COL6A3: variants seen among roughly 807,000 people sequenced by gnomAD.
COL6A3 encodes the protein collagen alpha-3(VI) chain.
A neutral mutation model predicts 274.1 loss-of-function variants in COL6A3; 137 were observed. The observed-to-expected ratio is 0.50, with a 90% CI of 0.44 to 0.58. The LOEUF (loss-of-function observed/expected upper bound fraction) is 0.58. COL6A3 is among the 20% of genes least tolerant of loss of function. The pLI is 0.00. For synonymous variants in COL6A3, 1,650 were observed against 1,650.6 expected (o/e 1.00, Z 0.01); for missense variants, 3,950 against 4,124.9 (o/e 0.96, Z 1.16).
chr2:237,383,608 T>C (rs559115896), intron 4 of COL6A3, among the ~76,000 whole-genome samples: 2 of 152,272 alleles, frequency 1.3e-5, no homozygotes, highest in African/African-American at 4.8e-5. Flanking sequence ...CTACCACTCA[T>C]GTATTTACTA....
chr2:237,402,935 G>A (rs937382908), intron 1 of COL6A3, among the ~76,000 whole-genome samples: 4 of 152,156 alleles, frequency 2.6e-5, no homozygotes, highest in Non-Finnish European at 5.9e-5. Flanking sequence ...ATGAAATCAG[G>A]GATGAGGATG....
At chr2:237,333,639 G>T (rs1700380852) in intron 41 of COL6A3, 91 bp from the exon 42 acceptor site, 2 of 1,084,092 alleles carry the variant, frequency 1.8e-6, no homozygotes, top group Admixed American at 1.9e-5. Flanking sequence ...TGCCTGCTGT[G>T]ATTAATGTCT....
At chr2:237,388,948 A>G (rs866339936) in intron 3 of COL6A3, among the ~76,000 whole-genome samples, 11 of 152,324 alleles carry the variant, frequency 7.2e-5, no homozygotes, top group African/African-American at 1.9e-4. Context: ...CATTGCCTCT[A>G]TATTCAGTCA....
chr2:237,384,478 G>A (rs1283128064), intron 4 of COL6A3, among the ~76,000 whole-genome samples: 1 of 151,902 alleles, frequency 6.6e-6, no homozygotes, highest in Admixed American at 6.6e-5. Flanking sequence ...AGACTCTCCT[G>A]AAAGCCTCCA....
At position 237,334,615 on chromosome 2, in the gene COL6A3, C is replaced by T; in HGVS notation, c.9229+11G>A. On this transcript the variant is annotated intron_variant, in intron 41 of 43. Coordinates refer to ENST00000295550, the MANE Select transcript of COL6A3 (RefSeq NM_004369.4). ...AAATCAGGTACCGACTTGTACTGAT[C>T]ATGTACTTACTTGTACTGAAACTTC... is the stretch of plus-strand genomic sequence containing the variant. 2 of 1,612,950 alleles carry T rather than the reference C, an allele frequency of 1.2e-6. No homozygotes were observed. Among genetic ancestry groups the T allele is most frequent in the Non-Finnish European group, 1.7e-6 (2 of 1,179,898 alleles).
chr2:237,358,628 T>C (rs547139303), intron 20 of COL6A3, 45 bp from the exon 21 acceptor site: 2 of 1,485,176 alleles, frequency 1.3e-6, no homozygotes, highest in Admixed American at 1.7e-5. Flanking sequence ...GATGTTTCCA[T>C]TTTTATCTCA....
chr2:237,375,644 G>A (rs1367237879), intron 7 of COL6A3, among the ~76,000 whole-genome samples: 2 of 152,206 alleles, frequency 1.3e-5, no homozygotes, highest in African/African-American at 4.8e-5. Flanking sequence ...CCGGGTTCAA[G>A]TGATTCTTCT....
In COL6A3 at chr2:237,374,405, T is replaced by C; in HGVS notation, c.3679+7A>G. On this transcript the variant is annotated splice_region_variant and intron_variant, in intron 8 of 43. Transcript: ENST00000295550. The surrounding 1 kb of genome is among the most constrained non-coding windows in gnomAD (Gnocchi z 4.8). ...CTGAGTGAGGATGCAAAGAGTTCCC[T>C]GCGTACCTGGGCTCGGTAGAGGCTG... The C allele has an allele frequency of 6.2e-7, 1 of 1,611,596 alleles. No individual in the cohort carries two copies. Among genetic ancestry groups the C allele is most frequent in the Non-Finnish European group, 8.5e-7 (1 of 1,180,022 alleles).
At chr2:237,365,252 G>A (rs1433857108) in intron 12 of COL6A3, among the ~76,000 whole-genome samples, 1 of 151,354 alleles carries the variant, frequency 6.6e-6, no homozygotes, top group Admixed American at 6.6e-5. Context: ...AAGCCTCCAA[G>A]ACTGTGAGAA....
intron 6 of COL6A3, 40 bp from the exon 7 acceptor site, chr2:237,377,384 G>T (rs1482163602): frequency 6.3e-7 from 1 of 1,589,380 alleles, no homozygotes; most frequent in Non-Finnish European, 8.5e-7. Context: ...AGGGACGAGA[G>T]CATAACAGGA....
At position 237,379,218 on chromosome 2, in the gene COL6A3, C is replaced by G; in HGVS notation, c.1915G>C (p.Asp639His). The G allele has an allele frequency of 6.2e-7, 1 of 1,614,158 alleles. No homozygotes were observed. Among genetic ancestry groups the G allele is most frequent in the Non-Finnish European group, 8.5e-7 (1 of 1,180,008 alleles). The change falls in exon 6 of 44, where the codon GAT becomes CAT. Residue 639 changes from aspartate (D) to histidine (H), a missense_variant. Asp to His is a moderately conservative substitution (Grantham distance 81, BLOSUM62 -1). Coordinates refer to ENST00000295550, the MANE Select transcript of COL6A3 (RefSeq NM_004369.4). ...GATCCATCCAAAAGAAAGATGATATCCCTTTTGTTTGAGTGAACTGCAGTG... is the reference window on the plus strand; with the variant it reads ...GATCCATCCAAAAGAAAGATGATATGCCTTTTGTTTGAGTGAACTGCAGTG... ...GTPEVHSNKR[D>H]IIFLLDGSAN... is the part of the protein sequence containing the mutation.
chr2:237,397,732 T>C (rs1163884286), intron 1 of COL6A3, among the ~76,000 whole-genome samples: 1 of 152,238 alleles, frequency 6.6e-6, no homozygotes, highest in Non-Finnish European at 1.5e-5. Context: ...TTCTCCACAA[T>C]CTGAAAATAT....
chr2:237,365,646 TA>T (rs901125555), intron 12 of COL6A3, 51 bp downstream of exon 12: 44 of 1,542,138 alleles, frequency 2.9e-5, no homozygotes, highest in Admixed American at 6.7e-5. Context: ...TCCTTTCCAG[TA>T]AAAATTTGGA....
intron 3 of COL6A3, among the ~76,000 whole-genome samples, chr2:237,389,794 A>C (rs1011848753): frequency 6.6e-6 from 1 of 152,254 alleles, no homozygotes; most frequent in Non-Finnish European, 1.5e-5. Context: ...CCTTCTTATA[A>C]GATACAATGA....
At chr2:237,409,300 TTTA>T (rs1032658675) in intron 1 of COL6A3, among the ~76,000 whole-genome samples, 5 of 151,820 alleles carry the variant, frequency 3.3e-5, no homozygotes, top group Admixed American at 1.3e-4. Flanking sequence ...TTTTTATTAT[TTTA>T]TTATTATTAT....
chr2:237,340,364 G>GGTTGTCTTGGT lies in COL6A3; in HGVS notation c.8464+87_8464+88insACCAAGACAAC, dbSNP rs1009967912. ...ATGAAACAGTTCCTGTCAACACATC[G>GGTTGTCTTGGT]GTTGTCTTTTCCATGACTGTTCCTA... On this transcript the variant is annotated intron_variant, in intron 38 of 43. Coordinates refer to ENST00000295550, the MANE Select transcript of COL6A3 (RefSeq NM_004369.4). 86 of 1,223,164 alleles carry GGTTGTCTTGGT rather than the reference G, an allele frequency of 7.0e-5. No individual in the cohort carries two copies. In the Admixed American group the frequency reaches 1.5e-3, roughly 22 times the overall value. 75.8% of individuals were successfully genotyped at this position (1,223,164 alleles called of 1,614,324 possible). A position where few individuals can be genotyped will look rare whatever the true frequency, so the allele number is the denominator to read the frequency against.
In COL6A3 at chr2:237,364,068, C is replaced by T. The variant is rs184681419; in HGVS notation, c.5917+282G>A. The stretch of plus-strand genomic sequence containing the variant: ...TGTGATGAAGTTAAATGAATCAATA[C>T]GTCATGATCTTTTGCAAAAGCATCA... On this transcript the variant is annotated intron_variant, in intron 13 of 43. Coordinates refer to ENST00000295550, the MANE Select transcript of COL6A3 (RefSeq NM_004369.4). The surrounding 1 kb of genome is among the most constrained non-coding windows in gnomAD (Gnocchi z 4.6). 2.6e-5 allele frequency among the ~76,000 whole-genome samples: 4 copies of T among 152,294 alleles called. No homozygotes were observed. The highest frequency in any genetic ancestry group is 4.8e-5 in the African/African-American group (2 of 41,560).
In COL6A3 at chr2:237,413,710, C is replaced by G. The variant is rs531698184; in HGVS notation, c.-31+243G>C. 5.3e-5 allele frequency among the ~76,000 whole-genome samples: 8 copies of G among 152,250 alleles called. No homozygotes were observed. The highest frequency in any genetic ancestry group is 5.2e-4 in the Admixed American group (8 of 15,292). Reference sequence around the variant, plus strand: ...AGGGCGCGTGTAGCAGCCACAGACACGCGGTGGAAAAGTGCTCACACTCTT... The same window carrying G: ...AGGGCGCGTGTAGCAGCCACAGACAGGCGGTGGAAAAGTGCTCACACTCTT... On this transcript the variant is annotated intron_variant, in intron 1 of 43. Transcript: ENST00000295550. This position sits in a 1 kb window ranked among gnomAD's most constrained non-coding sequence, Gnocchi z 4.0.
At chr2:237,352,677 C>T in intron 25 of COL6A3, 93 bp from the exon 26 acceptor site, 1 of 1,257,648 alleles carries the variant, frequency 8.0e-7, no homozygotes, top group Non-Finnish European at 1.1e-6. Context: ...GGGCCTGGAA[C>T]CTCACTTCTG....
Sources: allele counts gnomAD v4.1 joint callset (sites outside exome capture counted in the v4.1 genomes callset), GRCh38; gene constraint gnomAD v4.1.1; non-coding constraint Gnocchi (gnomAD v3.1); transcripts MANE v1.5; gene names NCBI Gene and HGNC (gene_info 2026-07-23, HGNC 2026-07-21).